SVOPL: variants seen among roughly 807,000 people sequenced by gnomAD.
SVOPL encodes putative transporter SVOPL.
In SVOPL, 60 loss-of-function variants were observed where a neutral mutation model predicts 61.0. The ratio of observed to expected loss-of-function variants is 0.98; its 90% CI spans 0.80 to 1.22. The LOEUF is 1.22. SVOPL is among the 50% of genes most tolerant of loss of function. The probability of loss-of-function intolerance (pLI) is 0.00; values close to 1 mark genes in which losing one functional copy is unlikely to be tolerated. For synonymous variants in SVOPL, 279 were observed against 250.0 expected, an observed-to-expected ratio of 1.12 and a Z score of -1.09; for missense variants, 662 against 643.9, an observed-to-expected ratio of 1.03 and a Z score of -0.30.
chr7:138,667,266 G>T (rs1384363898), intron 4 of SVOPL, among the ~76,000 whole-genome samples: 1 of 152,148 alleles, frequency 6.6e-6, no homozygotes, highest in Non-Finnish European at 1.5e-5. Flanking sequence ...TTATCCATCA[G>T]CCAGACCCCC....
intron 8 of SVOPL, among the ~76,000 whole-genome samples, chr7:138,646,618 G>T (rs181178571): frequency 6.6e-6 from 1 of 151,898 alleles, no homozygotes; most frequent in African/African-American, 2.4e-5. Context: ...AACCAGGCCC[G>T]AGCAACCCTC....
intron 14 of SVOPL, among the ~76,000 whole-genome samples, chr7:138,606,446 C>T (rs1390841493): frequency 6.6e-6 from 1 of 152,142 alleles, no homozygotes; most frequent in Non-Finnish European, 1.5e-5. Context: ...ACTTGTGTAA[C>T]TGCCCTTATC....
At chr7:138,645,092 T>C (rs1457350153) in intron 8 of SVOPL, among the ~76,000 whole-genome samples, 1 of 152,120 alleles carries the variant, frequency 6.6e-6, no homozygotes, top group Non-Finnish European at 1.5e-5. Context: ...TTTGCACCAA[T>C]AGGGCCCAAC....
intron 6 of SVOPL, among the ~76,000 whole-genome samples, chr7:138,657,134 G>GTTTGTTTATTTATTTA (rs529987229): frequency 2.0e-5 from 3 of 147,028 alleles, no homozygotes; most frequent in East Asian, 2.0e-4. Context: ...TTTCTTATTT[G>GTTTGTTTATTTATTTA]TTTATTTATT....
At chr7:138,597,026 A>T (rs1798307665) in intron 14 of SVOPL, 1 of 1,155,142 alleles carries the variant, frequency 8.7e-7, no homozygotes, top group Non-Finnish European at 1.1e-6. Context: ...GTCTCCGGTT[A>T]TGGAGTTGTG....
chr7:138,614,847 A>G (rs769105828), intron 14 of SVOPL, among the ~76,000 whole-genome samples: 4 of 152,188 alleles, frequency 2.6e-5, no homozygotes, highest in Non-Finnish European at 5.9e-5. Context: ...TTCCACTGAC[A>G]TCTCTTTGAG....
intron 8 of SVOPL, 31 bp downstream of exon 8, chr7:138,648,981 G>T (rs1219038327): frequency 5.6e-6 from 9 of 1,613,018 alleles, no homozygotes; most frequent in Admixed American, 3.3e-5. Flanking sequence ...CAGGAGGAGG[G>T]GACAGGAAGG....
chr7:138,636,660 A>G (rs1800483567), intron 9 of SVOPL, among the ~76,000 whole-genome samples: 2 of 152,122 alleles, frequency 1.3e-5, no homozygotes, highest in South Asian at 2.1e-4. Context: ...TAGTAAAGAC[A>G]GAGTTTCATC....
Position 138,656,449 on chromosome 7 carries a change from T to C in SVOPL, c.533A>G (p.Gln178Arg). 2 of 1,613,966 alleles carry C rather than the reference T, an allele frequency of 1.2e-6. No homozygotes were observed. The highest frequency in any genetic ancestry group is 1.7e-6 in the Non-Finnish European group (2 of 1,179,908). The part of the protein sequence containing the change: ...KYRGYMLPLS[Q>R]VFWLAGSLLI... Reference sequence around the variant, plus strand: ...GGTAGAACTCCTACGTTGCCTTACCTGAGACAAGGGTAACATATAGCCTCG... The same window carrying C: ...GGTAGAACTCCTACGTTGCCTTACCCGAGACAAGGGTAACATATAGCCTCG... The change falls in exon 7 of 16, where the codon CAG (glutamine) becomes CGG (arginine). Residue 178 changes from glutamine (Q) to arginine (R), a missense_variant and splice_region_variant. Gln to Arg is a conservative substitution (Grantham distance 43, BLOSUM62 1). Coordinates refer to ENST00000674285, the MANE Select transcript of SVOPL (RefSeq NM_001139456.2).
At chr7:138,678,611 T>A in intron 2 of SVOPL, 86 bp from the exon 3 acceptor site, 2 of 1,353,912 alleles carry the variant, frequency 1.5e-6, no homozygotes, top group Non-Finnish European at 2.0e-6. Flanking sequence ...GCCAACCCAT[T>A]ATTATAAAAA....
At chr7:138,604,677 C>CA (rs5887890) in intron 14 of SVOPL, among the ~76,000 whole-genome samples, 33,989 of 58,918 alleles carry the variant, frequency 0.58, 9,006 homozygotes, top group Non-Finnish European at 0.59. Flanking sequence ...AACTTTATCT[C>CA]AAAAAAAAAA....
chr7:138,676,027 G>C (rs777708027), intron 3 of SVOPL, among the ~76,000 whole-genome samples: 1 of 152,110 alleles, frequency 6.6e-6, no homozygotes, highest in African/African-American at 2.4e-5. Context: ...GTAGAAATAG[G>C]GTTTCACTAT....
chr7:138,650,629 G>C (rs906206242), intron 7 of SVOPL, among the ~76,000 whole-genome samples: 1 of 144,724 alleles, frequency 6.9e-6, no homozygotes, highest in Admixed American at 7.2e-5. Flanking sequence ...GGGCAACAAA[G>C]CAAGACTCCA....
chr7:138,654,560 T>A (rs556037622), intron 7 of SVOPL, among the ~76,000 whole-genome samples: 19 of 147,114 alleles, frequency 1.3e-4, no homozygotes, highest in African/African-American at 4.5e-4. Flanking sequence ...AATGCTGTGG[T>A]GCAATCTTGG....
At chr7:138,641,293 C>A in intron 9 of SVOPL, among the ~76,000 whole-genome samples, 1 of 148,522 alleles carries the variant, frequency 6.7e-6, no homozygotes, top group African/African-American at 2.5e-5. Flanking sequence ...ATGTAAGGTC[C>A]AAAGCCATAT....
chr7:138,653,759 C>T (rs1416816781), intron 7 of SVOPL, among the ~76,000 whole-genome samples: 1 of 151,972 alleles, frequency 6.6e-6, no homozygotes, highest in East Asian at 1.9e-4. Context: ...CGTGGTGAAA[C>T]CATGTCTCAC....
chr7:138,596,028 AAATAC>A (rs1420718813), intron 15 of SVOPL, among the ~76,000 whole-genome samples: 3 of 152,046 alleles, frequency 2.0e-5, no homozygotes, highest in Admixed American at 2.0e-4. Context: ...TCTCTACCAA[AAATAC>A]AAAAAATTAG....
intron 1 of SVOPL, among the ~76,000 whole-genome samples, chr7:138,689,793 G>C (rs1011317270): frequency 2.7e-5 from 4 of 148,518 alleles, no homozygotes; most frequent in Admixed American, 6.8e-5. Context: ...GGAGGTGGAG[G>C]TTGCAGTGAG....
chr7:138,603,938 A>G (rs533044333), intron 14 of SVOPL, among the ~76,000 whole-genome samples: 21 of 151,624 alleles, frequency 1.4e-4, no homozygotes, highest in Non-Finnish European at 2.9e-4. Flanking sequence ...TTTCTGTCTC[A>G]AAAACCTTAA....
Sources: allele counts gnomAD v4.1 joint callset (sites outside exome capture counted in the v4.1 genomes callset), GRCh38; gene constraint gnomAD v4.1.1; transcripts MANE v1.5; gene names NCBI Gene and HGNC (gene_info 2026-07-23, HGNC 2026-07-21).